The following OPCML variants were observed in gnomAD, a reference collection of about 807,000 sequenced individuals.
OPCML encodes opioid binding protein/cell adhesion molecule like.
OPCML carries 13 observed loss-of-function variants against 37.8 expected under a neutral mutation model. That is an observed-to-expected ratio of 0.34 (90% CI 0.22 to 0.55). The LOEUF is 0.55. Ranked by LOEUF, OPCML falls within the 20% of genes least tolerant of loss-of-function variation. The pLI, the probability that OPCML is intolerant of heterozygous loss-of-function variation, is 0.91. For synonymous variants in OPCML, 176 were observed against 168.8 expected (o/e 1.04, Z -0.33); for missense variants, 341 against 435.6 (o/e 0.78, Z 1.93).
intron 1 of OPCML, among the ~76,000 whole-genome samples, chr11:133,220,076 C>T (rs1239655277): frequency 1.3e-5 from 2 of 152,168 alleles, no homozygotes; most frequent in East Asian, 1.9e-4. Context: ...ATTCCTTCAA[C>T]CCTAAGACTG....
intron 1 of OPCML, among the ~76,000 whole-genome samples, chr11:133,321,373 A>C (rs948636604): frequency 6.6e-6 from 1 of 152,114 alleles, no homozygotes; most frequent in Non-Finnish European, 1.5e-5. Context: ...TCTACAAAAG[A>C]GCATTGATTT....
intron 2 of OPCML, among the ~76,000 whole-genome samples, chr11:132,878,569 T>G (rs1011191986): frequency 6.6e-5 from 10 of 152,328 alleles, no homozygotes; most frequent in African/African-American, 9.6e-5. Context: ...ACTTCTCGGC[T>G]TCCATAATCA....
intron 1 of OPCML, among the ~76,000 whole-genome samples, chr11:133,106,583 A>G (rs1434380856): frequency 1.3e-5 from 2 of 152,214 alleles, no homozygotes; most frequent in Non-Finnish European, 2.9e-5. Flanking sequence ...AATGTGCTAC[A>G]TCCAGATGGC....
intron 1 of OPCML, among the ~76,000 whole-genome samples, chr11:133,090,081 C>T (rs189309892): frequency 8.1e-4 from 123 of 152,296 alleles, no homozygotes; most frequent in South Asian, 6.0e-3. Context: ...TAGGCCTTGT[C>T]GTTGGCTCGG....
intron 1 of OPCML, among the ~76,000 whole-genome samples, chr11:133,260,108 G>A (rs1379238333): frequency 1.3e-5 from 2 of 151,916 alleles, no homozygotes; most frequent in African/African-American, 4.8e-5. Context: ...ATAGTAGTGA[G>A]TCCTGTGGCT....
At chr11:132,731,905 A>C (rs1012051958) in intron 2 of OPCML, among the ~76,000 whole-genome samples, 1 of 152,192 alleles carries the variant, frequency 6.6e-6, no homozygotes. Flanking sequence ...TAGGATATGA[A>C]AGAGGTATGA....
intron 1 of OPCML, among the ~76,000 whole-genome samples, chr11:133,110,631 A>G (rs952647424): frequency 1.7e-4 from 26 of 152,184 alleles, no homozygotes; most frequent in Admixed American, 9.2e-4. Context: ...GAGCAAGTGC[A>G]TCTTCTCATT....
intron 1 of OPCML, among the ~76,000 whole-genome samples, chr11:133,378,907 A>G (rs1944871711): frequency 1.3e-5 from 2 of 151,782 alleles, no homozygotes. Flanking sequence ...ATGCCCATCT[A>G]AATTTTTATT....
At chr11:133,022,538 G>A (rs1029367342) in intron 1 of OPCML, among the ~76,000 whole-genome samples, 4 of 148,528 alleles carry the variant, frequency 2.7e-5, no homozygotes, top group African/African-American at 7.5e-5. Flanking sequence ...CCCGTCTTTT[G>A]CTGTCTCCAG....
At chr11:133,120,017 T>C (rs879668438) in intron 1 of OPCML, among the ~76,000 whole-genome samples, 1 of 152,104 alleles carries the variant, frequency 6.6e-6, no homozygotes, top group Non-Finnish European at 1.5e-5. Flanking sequence ...TGTTCACTGC[T>C]TTGGGCCTGA....
At chr11:133,046,949 T>G (rs145259654) in intron 1 of OPCML, among the ~76,000 whole-genome samples, 1 of 30,186 alleles carries the variant, frequency 3.3e-5, no homozygotes, top group African/African-American at 5.4e-4. Flanking sequence ...AACTTTACAA[T>G]TTTTTTTTTT....
chr11:133,477,958 A>G (rs1947281272), intron 1 of OPCML, among the ~76,000 whole-genome samples: 1 of 152,188 alleles, frequency 6.6e-6, no homozygotes, highest in African/African-American at 2.4e-5. Flanking sequence ...TTAGATTTTA[A>G]TTAAGTAGTG....
chr11:133,483,679 G>GATAA (rs1025578056), intron 1 of OPCML, among the ~76,000 whole-genome samples: 9 of 58,632 alleles, frequency 1.5e-4, no homozygotes, highest in African/African-American at 9.7e-4. Flanking sequence ...ATAGATGATA[G>GATAA]ATAGATAGAT....
chr11:132,473,935 A>C (rs1411104709), intron 4 of OPCML, among the ~76,000 whole-genome samples: 1 of 152,218 alleles, frequency 6.6e-6, no homozygotes, highest in East Asian at 1.9e-4. Flanking sequence ...AGAGAAATTA[A>C]CAGCACTCTC....
intron 1 of OPCML, among the ~76,000 whole-genome samples, chr11:133,235,072 G>A (rs562551584): frequency 6.6e-6 from 1 of 152,156 alleles, no homozygotes; most frequent in South Asian, 2.1e-4. Flanking sequence ...CCGAGATAAG[G>A]GTAATCAAAT....
At chr11:133,038,545 T>C (rs949815813) in intron 1 of OPCML, among the ~76,000 whole-genome samples, 2 of 152,214 alleles carry the variant, frequency 1.3e-5, no homozygotes, top group Non-Finnish European at 2.9e-5. Context: ...TGAGTTATTA[T>C]ATAATGCCAG....
chr11:133,300,833 T>C (rs938781186), intron 1 of OPCML: 16 of 152,164 alleles, frequency 1.1e-4, no homozygotes, highest in Admixed American at 4.6e-4. Context: ...TGCTACCACA[T>C]AGGCAGAGAC....
intron 1 of OPCML, chr11:133,005,363 A>G: frequency 1.0e-6 from 1 of 985,430 alleles, no homozygotes; most frequent in African/African-American, 1.7e-5. Flanking sequence ...AGACACATAC[A>G]GCAAATGCCG....
At chr11:132,489,148 T>G (rs1461858356) in intron 4 of OPCML, among the ~76,000 whole-genome samples, 1 of 152,242 alleles carries the variant, frequency 6.6e-6, no homozygotes, top group African/African-American at 2.4e-5. Context: ...ATTTTATTTT[T>G]AAACTCTTTT....
Sources: gnomAD v4.1 joint callset for allele counts (sites outside exome capture counted in the v4.1 genomes callset) on GRCh38, gnomAD v4.1.1 for gene constraint, MANE v1.5 for transcripts, NCBI Gene and HGNC (gene_info 2026-07-23, HGNC 2026-07-21) for gene names.